The following RAB22A variants were observed in gnomAD, a reference collection of about 807,000 sequenced individuals.
RAB22A encodes ras-related protein Rab-22A.
In RAB22A, 13 loss-of-function variants were observed where a neutral mutation model predicts 30.2. The ratio of observed to expected loss-of-function variants is 0.43; its 90% CI spans 0.28 to 0.68. The LOEUF is 0.68. RAB22A is among the 30% of genes least tolerant of loss of function. The probability of loss-of-function intolerance (pLI) is 0.18; values close to 1 mark genes in which losing one functional copy is unlikely to be tolerated. For missense variants in RAB22A, 177 were observed against 246.8 expected (o/e 0.72, Z 1.89); for synonymous variants, 89 against 87.2 (o/e 1.02, Z -0.11).
intron 6 of RAB22A, among the ~76,000 whole-genome samples, chr20:58,356,068 T>C (rs900256877): frequency 6.6e-6 from 1 of 152,302 alleles, no homozygotes; most frequent in Admixed American, 6.5e-5. Flanking sequence ...CCCAGCACTT[T>C]GGGAAGCCAA....
intron 3 of RAB22A, chr20:58,345,829 T>C: frequency 6.6e-6 from 1 of 152,576 alleles, no homozygotes; most frequent in Non-Finnish European, 1.5e-5. Context: ...TTTCACCTCC[T>C]CCCACCAGTC....
chr20:58,316,991 ACTTCTAGGG>A (rs1183218861), intron 2 of RAB22A, among the ~76,000 whole-genome samples: 1 of 152,110 alleles, frequency 6.6e-6, no homozygotes. Flanking sequence ...CTGTTATATG[ACTTCTAGGG>A]CTTCATCTTC....
Position 58,364,546 on chromosome 20 carries a change from G to A in RAB22A, c.*4843G>A, listed in dbSNP as rs374902250. On this transcript the variant is annotated 3_prime_UTR_variant, in exon 7 of 7. Transcript: ENST00000244040. ...ATTAGTATATGGTGAAATTAAAACC[G>A]TGGTGTCTAACAGATTTAACAAAAA... The A allele has an allele frequency of 6.6e-6, 1 of 152,052 alleles. No homozygotes were observed. Among genetic ancestry groups the A allele is most frequent in the African/African-American group, 2.4e-5 (1 of 41,378 alleles). 9.4% of individuals were successfully genotyped at this position (152,052 alleles called of 1,614,324 possible).
At chr20:58,343,289 G>A (rs76233871) in intron 2 of RAB22A, among the ~76,000 whole-genome samples, 2,085 of 152,228 alleles carry the variant, frequency 0.014, 22 homozygotes, top group Non-Finnish European at 0.02. Context: ...ATTTACATGG[G>A]AATGTGGTTT....
chr20:58,332,479 C>A (rs1986678363), intron 2 of RAB22A, among the ~76,000 whole-genome samples: 1 of 152,198 alleles, frequency 6.6e-6, no homozygotes, highest in African/African-American at 2.4e-5. Context: ...TCTTAAAAAT[C>A]TTGATCTGAT....
intron 3 of RAB22A, among the ~76,000 whole-genome samples, chr20:58,344,432 G>A (rs1986909771): frequency 6.6e-6 from 1 of 152,180 alleles, no homozygotes; most frequent in South Asian, 2.1e-4. Context: ...AAACACATCT[G>A]CTTCCTCCCC....
chr20:58,352,343 G>A (rs1987065533), intron 3 of RAB22A, among the ~76,000 whole-genome samples: 2 of 152,176 alleles, frequency 1.3e-5, no homozygotes. Flanking sequence ...GTGTTCAGGG[G>A]TAAACCACCA....
intron 3 of RAB22A, among the ~76,000 whole-genome samples, chr20:58,351,986 A>G (rs574997402): frequency 1.3e-5 from 2 of 152,358 alleles, no homozygotes; most frequent in African/African-American, 4.8e-5. Flanking sequence ...AAAAGGATGT[A>G]GTATTCAAAT....
At chr20:58,341,054 T>C (rs970175921) in intron 2 of RAB22A, among the ~76,000 whole-genome samples, 2 of 152,106 alleles carry the variant, frequency 1.3e-5, no homozygotes, top group African/African-American at 4.8e-5. Flanking sequence ...AGAAAAGACA[T>C]CTCTGACTCA....
intron 2 of RAB22A, among the ~76,000 whole-genome samples, chr20:58,328,671 A>G (rs557606595): frequency 6.3e-4 from 96 of 152,250 alleles, no homozygotes; most frequent in African/African-American, 2.2e-3. Context: ...GATTTCCCAA[A>G]CCAGCCCTAG....
At chr20:58,315,127 C>A (rs1436508581) in intron 2 of RAB22A, among the ~76,000 whole-genome samples, 1 of 152,138 alleles carries the variant, frequency 6.6e-6, no homozygotes, top group Non-Finnish European at 1.5e-5. Flanking sequence ...CAGAACACAT[C>A]CCTGCTTCTC....
chr20:58,364,146 G>A lies in RAB22A; in HGVS notation c.*4443G>A, dbSNP rs2122979530. On this transcript the variant is annotated 3_prime_UTR_variant, in exon 7 of 7. Transcript: ENST00000244040. ...GAGCCTCCATTTTTTCAGTCTAAGAGAATGATAAGTGAGAGGCCTATTGTG... is the reference window on the plus strand; with the variant it reads ...GAGCCTCCATTTTTTCAGTCTAAGAAAATGATAAGTGAGAGGCCTATTGTG... 6.5e-6 allele frequency: 1 copy of A among 152,744 alleles called. No homozygotes were observed. The highest frequency in any genetic ancestry group is 2.4e-5 in the African/African-American group (1 of 41,570). The allele number at this position is 152,744 out of a possible 1,614,324, so 9.5% of individuals were successfully genotyped here.
rs1285405705 is a variant in RAB22A, at chr20:58,366,310, A to G, written c.*6607A>G. 1 of 152,224 alleles carries G rather than the reference A, an allele frequency of 6.6e-6. No individual in the cohort carries two copies. The highest frequency in any genetic ancestry group is 2.4e-5 in the African/African-American group (1 of 41,452). 9.4% of individuals were successfully genotyped at this position (152,224 alleles called of 1,614,324 possible). ...CAGCTGGGGCTTTTCTAACAAGCACAGTCAGAAATGCGCAGGCCTGGGGTT... is the reference window on the plus strand; with the variant it reads ...CAGCTGGGGCTTTTCTAACAAGCACGGTCAGAAATGCGCAGGCCTGGGGTT... On this transcript the variant is annotated 3_prime_UTR_variant, in exon 7 of 7. Transcript: ENST00000244040.
At position 58,310,528 on chromosome 20, in the gene RAB22A, A is replaced by C. The variant is rs574299255; in HGVS notation, c.37-515A>C. On this transcript the variant is annotated intron_variant, in intron 1 of 6. Coordinates refer to ENST00000244040, the MANE Select transcript of RAB22A (RefSeq NM_020673.3). ...GAGAAAAGGGGTGTTCAAATCAGGAAGCCCCAAAGACTAGTTTGAAGCTTC... is the reference window on the plus strand; with the variant it reads ...GAGAAAAGGGGTGTTCAAATCAGGACGCCCCAAAGACTAGTTTGAAGCTTC... Among the ~76,000 whole-genome samples the C allele has an allele frequency of 3.3e-5, 5 of 152,328 alleles. No homozygotes were observed. In the South Asian group the frequency reaches 1.0e-3, roughly 32 times the overall value.
intron 2 of RAB22A, among the ~76,000 whole-genome samples, chr20:58,336,425 C>CT (rs1231791230): frequency 6.6e-6 from 1 of 152,124 alleles, no homozygotes. Flanking sequence ...CAATTTTTGC[C>CT]TACATCATCT....
At position 58,316,406 on chromosome 20, in the gene RAB22A, A is replaced by T. The variant is rs1986340634; in HGVS notation, c.116+5284A>T. Among the ~76,000 whole-genome samples, 4 of 152,206 alleles carry T rather than the reference A, an allele frequency of 2.6e-5. No individual in the cohort carries two copies. In the South Asian group the frequency reaches 8.3e-4, roughly 32 times the overall value. On this transcript the variant is annotated intron_variant, in intron 2 of 6. Transcript: ENST00000244040. ...TTTGCATTTTGTCTCCTCTTGCTTG[A>T]TGTCATGTAACTCCAGTTGCAACCA...
intron 2 of RAB22A, among the ~76,000 whole-genome samples, chr20:58,342,648 C>CAA (rs10709063): frequency 1.6e-5 from 2 of 124,036 alleles, no homozygotes; most frequent in Admixed American, 8.2e-5. Context: ...TACAATTTGG[C>CAA]AAAAAAAAAA....
chr20:58,331,134 G>C (rs1986654151), intron 2 of RAB22A, among the ~76,000 whole-genome samples: 1 of 152,028 alleles, frequency 6.6e-6, no homozygotes, highest in Non-Finnish European at 1.5e-5. Flanking sequence ...AAGAAATACA[G>C]AGACCCAACT....
chr20:58,330,527 A>G (rs1271783062), intron 2 of RAB22A, among the ~76,000 whole-genome samples: 1 of 152,082 alleles, frequency 6.6e-6, no homozygotes, highest in Non-Finnish European at 1.5e-5. Context: ...ACTGCAGAAG[A>G]TACGCTGCAA....
Sources: gnomAD v4.1 joint callset for allele counts (sites outside exome capture counted in the v4.1 genomes callset) on GRCh38, gnomAD v4.1.1 for gene constraint, MANE v1.5 for transcripts, NCBI Gene and HGNC (gene_info 2026-07-23, HGNC 2026-07-21) for gene names.